CDH13: variants seen among roughly 807,000 people sequenced by gnomAD.
CDH13 encodes the protein cadherin-13.
In CDH13, 24 loss-of-function variants were observed where a neutral mutation model predicts 63.8. The observed-to-expected ratio is 0.38, with a 90% CI of 0.27 to 0.53. The LOEUF is 0.53. Among genes scored for constraint, CDH13 ranks in the 20% least tolerant of loss-of-function variants. The probability of loss-of-function intolerance (pLI) is 0.85; values close to 1 mark genes in which losing one functional copy is unlikely to be tolerated. For synonymous variants in CDH13, 503 were observed against 355.3 expected, an observed-to-expected ratio of 1.42 and a Z score of -4.67; for missense variants, 1,049 against 903.1, an observed-to-expected ratio of 1.16 and a Z score of -2.07.
At chr16:83,422,747 C>T (rs746092409) in intron 6 of CDH13, among the ~76,000 whole-genome samples, 21 of 152,086 alleles carry the variant, frequency 1.4e-4, no homozygotes, top group Non-Finnish European at 2.9e-4. Flanking sequence ...TTGAGATTAC[C>T]CAAAGTTGCC....
chr16:82,643,102 G>A lies in CDH13; in HGVS notation c.45+15965G>A, dbSNP rs368155854. 7.9e-5 allele frequency among the ~76,000 whole-genome samples: 12 copies of A among 152,216 alleles called. No homozygotes were observed. The East Asian group carries it at 2.3e-3, about 29-fold the overall frequency. On this transcript the variant is annotated intron_variant, in intron 1 of 13. Coordinates refer to ENST00000567109, the MANE Select transcript of CDH13 (RefSeq NM_001257.5). ...ATGGGTATAGAATTGCTTTGGGGAA[G>A]ATGTAAATGCTCTGGAGCTAGATAG...
intron 4 of CDH13, among the ~76,000 whole-genome samples, chr16:83,183,295 C>A (rs2151746618): frequency 6.6e-6 from 1 of 152,302 alleles, no homozygotes; most frequent in Middle Eastern, 3.4e-3. Context: ...GTCTGAAGAG[C>A]TCTTGTCTGT....
At chr16:83,512,653 G>C (rs1031734468) in intron 7 of CDH13, among the ~76,000 whole-genome samples, 3 of 147,810 alleles carry the variant, frequency 2.0e-5, no homozygotes, top group African/African-American at 7.7e-5. Flanking sequence ...TGGCAACAGA[G>C]TGAGACTCCG....
chr16:83,081,416 G>A (rs1440701065), intron 3 of CDH13, among the ~76,000 whole-genome samples: 1 of 151,884 alleles, frequency 6.6e-6, no homozygotes, highest in Non-Finnish European at 1.5e-5. Flanking sequence ...ATCCAACCTA[G>A]AACAAGGATC....
chr16:82,799,702 A>G (rs1414914904), intron 1 of CDH13, among the ~76,000 whole-genome samples: 1 of 152,206 alleles, frequency 6.6e-6, no homozygotes, highest in Non-Finnish European at 1.5e-5. Flanking sequence ...TGTTTTTATA[A>G]TTAACAGAGA....
intron 5 of CDH13, among the ~76,000 whole-genome samples, chr16:83,248,004 G>C (rs1178751602): frequency 6.6e-6 from 1 of 152,210 alleles, no homozygotes; most frequent in East Asian, 1.9e-4. Flanking sequence ...AGTGGAAAGA[G>C]TAGAAAGGCG....
rs75423210 is a variant in CDH13, at chr16:83,349,292, A to G, written c.781+4286A>G. ...TTTGGTGTTTTCTGATGGCCAAGAC[A>G]TGGTGTTCATGAGTAGGGGGTAGAG... On this transcript the variant is annotated intron_variant, in intron 6 of 13. Transcript: ENST00000567109. Among the ~76,000 whole-genome samples the G allele has an allele frequency of 8.9e-3, 1,358 of 152,286 alleles. 16 individuals carry two copies. The highest frequency in any genetic ancestry group is 0.03 in the African/African-American group (1,257 of 41,554).
At chr16:83,131,461 C>T (rs1043486008) in intron 4 of CDH13, among the ~76,000 whole-genome samples, 13 of 152,248 alleles carry the variant, frequency 8.5e-5, no homozygotes, top group African/African-American at 2.2e-4. Context: ...CCCAAAGTGG[C>T]TTTTTCCCCT....
chr16:82,657,002 C>T (rs990516397), intron 1 of CDH13, among the ~76,000 whole-genome samples: 28 of 145,552 alleles, frequency 1.9e-4, no homozygotes, highest in Middle Eastern at 3.8e-3. Context: ...TTAAGGATAT[C>T]TTGGTTGCTT....
At chr16:83,662,501 G>T (rs1189662830) in intron 8 of CDH13, among the ~76,000 whole-genome samples, 4 of 152,160 alleles carry the variant, frequency 2.6e-5, no homozygotes, top group Non-Finnish European at 5.9e-5. Flanking sequence ...AGATGCAATG[G>T]CATGTCTGGG....
intron 6 of CDH13, among the ~76,000 whole-genome samples, chr16:83,445,049 T>C (rs1347857640): frequency 6.6e-6 from 1 of 152,164 alleles, no homozygotes. Context: ...ATTAAGACTT[T>C]GCCTTTCAGG....
intron 3 of CDH13, among the ~76,000 whole-genome samples, chr16:83,114,715 G>A (rs1358503299): frequency 1.3e-5 from 2 of 152,172 alleles, no homozygotes; most frequent in African/African-American, 2.4e-5. Flanking sequence ...TAAATTTGCT[G>A]CAGAAAGTTG....
At chr16:83,110,644 C>T (rs1019331018) in intron 3 of CDH13, among the ~76,000 whole-genome samples, 3 of 152,132 alleles carry the variant, frequency 2.0e-5, no homozygotes, top group African/African-American at 7.2e-5. Context: ...ATAAGCTCCT[C>T]CCTGGGCCTG....
At chr16:83,365,483 CAT>C (rs1452207318) in intron 6 of CDH13, among the ~76,000 whole-genome samples, 2 of 152,328 alleles carry the variant, frequency 1.3e-5, no homozygotes, top group East Asian at 3.9e-4. Flanking sequence ...TGAGTTGACT[CAT>C]AAAATTAATC....
Position 83,751,165 on chromosome 16 carries a change from A to G in CDH13, c.1681+2915A>G, listed in dbSNP as rs1419341808. Among the ~76,000 whole-genome samples the G allele has an allele frequency of 1.3e-5, 2 of 152,160 alleles. 1 individual carries two copies. ...TTGTGCTGAATGCCCAGCACCTACC[A>G]TGGTGCCTGACTTAGAGCAGGCACT... is the stretch of plus-strand genomic sequence containing the variant. On this transcript the variant is annotated intron_variant, in intron 11 of 13. Transcript: ENST00000567109.
intron 10 of CDH13, among the ~76,000 whole-genome samples, chr16:83,732,145 C>A (rs925763725): frequency 8.5e-5 from 13 of 152,126 alleles, no homozygotes; most frequent in Non-Finnish European, 1.5e-4. Context: ...GTGGGAAGAC[C>A]GGCAATGAAC....
intron 5 of CDH13, among the ~76,000 whole-genome samples, chr16:83,272,452 A>G (rs1392941572): frequency 6.6e-6 from 1 of 152,226 alleles, no homozygotes; most frequent in African/African-American, 2.4e-5. Flanking sequence ...AGCACTTACT[A>G]CTTAATACCA....
chr16:83,061,820 A>G (rs957168560), intron 3 of CDH13, among the ~76,000 whole-genome samples: 3 of 152,202 alleles, frequency 2.0e-5, no homozygotes. Flanking sequence ...GCAAAATTGA[A>G]ACGTAATTCA....
intron 4 of CDH13, among the ~76,000 whole-genome samples, chr16:83,209,892 C>G (rs978995422): frequency 2.0e-5 from 3 of 152,052 alleles, no homozygotes; most frequent in African/African-American, 7.2e-5. Context: ...GAGGGCATCC[C>G]CAGCAGAGTA....
Sources: allele counts gnomAD v4.1 joint callset (sites outside exome capture counted in the v4.1 genomes callset), GRCh38; gene constraint gnomAD v4.1.1; transcripts MANE v1.5; gene names NCBI Gene and HGNC (gene_info 2026-07-23, HGNC 2026-07-21).